Variants in BMPR2 observed in about 807,000 individuals in gnomAD.
The protein encoded by BMPR2 is bone morphogenetic protein receptor type 2.
In BMPR2, 29 loss-of-function variants were observed where a neutral mutation model predicts 100.8. The ratio of observed to expected loss-of-function variants is 0.29; its 90% CI spans 0.21 to 0.39. The LOEUF is 0.39. BMPR2 is among the 10% of genes least tolerant of loss of function. The pLI is 1.00. For synonymous variants in BMPR2, 382 were observed against 442.3 expected (o/e 0.86, Z 1.71); for missense variants, 1,011 against 1,274.5 (o/e 0.79, Z 3.15).
intron 3 of BMPR2, among the ~76,000 whole-genome samples, chr2:202,481,710 C>T (rs1234540821): frequency 1.3e-5 from 2 of 152,154 alleles, no homozygotes; most frequent in East Asian, 3.8e-4. Flanking sequence ...ACTCAGTGTA[C>T]AAGCCTTACA....
chr2:202,508,736 A>G (rs951600487), intron 3 of BMPR2, among the ~76,000 whole-genome samples: 2 of 152,264 alleles, frequency 1.3e-5, no homozygotes, highest in Admixed American at 6.5e-5. Flanking sequence ...ACTTCTGTAT[A>G]TAGTAGTAAG....
intron 9 of BMPR2, among the ~76,000 whole-genome samples, chr2:202,535,886 C>T (rs982119059): frequency 3.3e-5 from 5 of 152,204 alleles, no homozygotes; most frequent in Admixed American, 1.3e-4. Flanking sequence ...GGCTGGAGAC[C>T]GGCCTGGCCA....
chr2:202,481,130 G>C (rs1010771775), intron 3 of BMPR2, among the ~76,000 whole-genome samples: 1 of 151,946 alleles, frequency 6.6e-6, no homozygotes, highest in Non-Finnish European at 1.5e-5. Flanking sequence ...AGAAAGCTGA[G>C]TTCTCCAACT....
At chr2:202,401,244 G>C (rs1332034918) in intron 1 of BMPR2, among the ~76,000 whole-genome samples, 2 of 152,112 alleles carry the variant, frequency 1.3e-5, no homozygotes, top group African/African-American at 2.4e-5. Flanking sequence ...TTTTATATAA[G>C]AGTAAAATTA....
intron 10 of BMPR2, among the ~76,000 whole-genome samples, chr2:202,548,784 A>G (rs1436041630): frequency 6.6e-6 from 1 of 152,080 alleles, no homozygotes; most frequent in African/African-American, 2.4e-5. Context: ...TTATTTACCT[A>G]TTCCTAGAGT....
chr2:202,381,131 C>T (rs1408005685), intron 1 of BMPR2, among the ~76,000 whole-genome samples: 1 of 151,880 alleles, frequency 6.6e-6, no homozygotes, highest in Non-Finnish European at 1.5e-5. Flanking sequence ...TGCACCACCA[C>T]ACCCGGCTAA....
chr2:202,392,987 G>A (rs987132944), intron 1 of BMPR2, among the ~76,000 whole-genome samples: 4 of 107,592 alleles, frequency 3.7e-5, no homozygotes, highest in East Asian at 2.4e-4. Flanking sequence ...GCGAAACTCC[G>A]TCTCAAAAAA....
At chr2:202,480,181 G>T (rs1266867406) in intron 3 of BMPR2, among the ~76,000 whole-genome samples, 1 of 150,950 alleles carries the variant, frequency 6.6e-6, no homozygotes, top group Non-Finnish European at 1.5e-5. Flanking sequence ...CGCCCAGGCT[G>T]GAGTGCAGTG....
At chr2:202,497,161 G>C (rs1443614169) in intron 3 of BMPR2, among the ~76,000 whole-genome samples, 2 of 152,194 alleles carry the variant, frequency 1.3e-5, no homozygotes, top group East Asian at 3.9e-4. Flanking sequence ...GCAGGGCTCG[G>C]GCCTGCAGCC....
At chr2:202,428,839 A>G (rs1170307413) in intron 1 of BMPR2, among the ~76,000 whole-genome samples, 1 of 152,166 alleles carries the variant, frequency 6.6e-6, no homozygotes, top group Non-Finnish European at 1.5e-5. Context: ...TTTCAGGTTC[A>G]TCACAAATTC....
Position 202,542,388 on chromosome 2 carries a change from C to T in BMPR2, c.1354C>T (p.Leu452Phe), listed in dbSNP as rs1233287226. The T allele has an allele frequency of 1.2e-6, 2 of 1,614,078 alleles. No individual in the cohort carries two copies. Among genetic ancestry groups the T allele is most frequent in the East Asian group, 2.2e-5 (1 of 44,870 alleles). The change falls in exon 10 of 13, where the codon CTC (leucine) becomes TTC (phenylalanine). Residue 452 changes from leucine (L) to phenylalanine (F), a missense_variant. By Grantham distance (22) the Leu-to-Phe change is conservative. This residue lies in a region of BMPR2 where 83 missense variants were observed against 140.7 expected (regional missense o/e 0.59). Transcript: ENST00000374580. The stretch of plus-strand genomic sequence containing the variant: ...TCCCACTTTTGAGGATATGCAGGTT[C>T]TCGTGTCTAGGGAAAAACAGAGACC... ...NHPTFEDMQV[L>F]VSREKQRPKF... is the part of the protein sequence containing the mutation.
intron 1 of BMPR2, among the ~76,000 whole-genome samples, chr2:202,448,971 T>C (rs111701931): frequency 1.9e-4 from 28 of 151,310 alleles, no homozygotes; most frequent in African/African-American, 6.6e-4. Context: ...GTATTTTTTG[T>C]TTTAATCAGC....
chr2:202,484,236 A>G lies in BMPR2; in HGVS notation c.418+16547A>G, dbSNP rs1239447297. Among the ~76,000 whole-genome samples, 3 of 152,232 alleles carry G rather than the reference A, an allele frequency of 2.0e-5. No homozygotes were observed. In the South Asian group the frequency reaches 6.2e-4, roughly 31 times the overall value. On this transcript the variant is annotated intron_variant, in intron 3 of 12. Coordinates refer to ENST00000374580, the MANE Select transcript of BMPR2 (RefSeq NM_001204.7). The stretch of plus-strand genomic sequence containing the variant: ...CTACTTTAAACAGCACAGATATTCT[A>G]AACACATCACTTTGGTTGTTCCCCC...
intron 1 of BMPR2, among the ~76,000 whole-genome samples, chr2:202,381,363 A>T (rs1690289011): frequency 6.6e-6 from 1 of 152,168 alleles, no homozygotes; most frequent in South Asian, 2.1e-4. Context: ...ATAGGCATTT[A>T]TTCTGCTCCA....
intron 7 of BMPR2, among the ~76,000 whole-genome samples, chr2:202,521,480 T>C (rs532441368): frequency 6.6e-6 from 1 of 151,956 alleles, no homozygotes; most frequent in African/African-American, 2.4e-5. Context: ...GCTGGGAGGA[T>C]TGTTTGAGCC....
rs1052154575 is a variant in BMPR2 at position 202,433,206 on chromosome 2, T to C, written c.77-31603T>C. Among the ~76,000 whole-genome samples the C allele has an allele frequency of 2.7e-5, 4 of 150,510 alleles. 1 individual carries two copies. Among genetic ancestry groups the C allele is most frequent in the African/African-American group, 1.0e-4 (4 of 39,870 alleles). On this transcript the variant is annotated intron_variant, in intron 1 of 12. Coordinates refer to ENST00000374580, the MANE Select transcript of BMPR2 (RefSeq NM_001204.7). Reference sequence around the variant, plus strand: ...GGACCTCCAGGATCTTTAGGACTTGTATTAGTCAGGATTCTCCAGATAAAC... The same window carrying C: ...GGACCTCCAGGATCTTTAGGACTTGCATTAGTCAGGATTCTCCAGATAAAC...
intron 3 of BMPR2, among the ~76,000 whole-genome samples, chr2:202,497,172 C>T (rs150124634): frequency 0.037 from 5,563 of 152,270 alleles, 362 homozygotes; most frequent in African/African-American, 0.13. Context: ...GCCTGCAGCC[C>T]GCCATGCCTG....
chr2:202,556,360 C>G lies in BMPR2; in HGVS notation c.2695C>G (p.Arg899Gly), dbSNP rs137852741. The G allele has an allele frequency of 6.2e-7, 1 of 1,614,054 alleles. No individual in the cohort carries two copies. Among genetic ancestry groups the G allele is most frequent in the Non-Finnish European group, 8.5e-7 (1 of 1,180,022 alleles). ...GAGGGAACGGCCACTAGAAGGTGGCCGAACTAATTCCAATAACAACAACAG... is the reference window on the plus strand; with the variant it reads ...GAGGGAACGGCCACTAGAAGGTGGCGGAACTAATTCCAATAACAACAACAG... Reference protein sequence around the residue: ...DRRERPLEGGRTNSNNNNSNP... With the variant: ...DRRERPLEGGGTNSNNNNSNP... Residue 899 changes from arginine to glycine, a missense_variant, in exon 12 of 13, where the codon CGA (arginine) becomes GGA (glycine). Physicochemically the swap from Arg to Gly is moderately radical, Grantham distance 125. This residue lies in a region of BMPR2 where 508 missense variants were observed against 552.0 expected (regional missense o/e 0.92). Coordinates refer to ENST00000374580, the MANE Select transcript of BMPR2 (RefSeq NM_001204.7).
intron 1 of BMPR2, among the ~76,000 whole-genome samples, chr2:202,393,896 A>C (rs1432977833): frequency 3.0e-4 from 31 of 102,948 alleles, no homozygotes; most frequent in Middle Eastern, 5.0e-3. Flanking sequence ...AGAGAGAGAG[A>C]GAGAGAGAGA....
Sources: allele counts gnomAD v4.1 joint callset (sites outside exome capture counted in the v4.1 genomes callset), GRCh38; gene constraint gnomAD v4.1.1; regional missense constraint gnomAD v4.1.1; transcripts MANE v1.5; gene names NCBI Gene and HGNC (gene_info 2026-07-23, HGNC 2026-07-21).